NRG4: variants seen among roughly 807,000 people sequenced by gnomAD.
NRG4 encodes the protein pro-neuregulin-4, membrane-bound isoform.
In NRG4, 10 loss-of-function variants were observed where a neutral mutation model predicts 15.0. The ratio of observed to expected loss-of-function variants is 0.67; its 90% CI spans 0.41 to 1.13. NRG4 has a LOEUF of 1.13. NRG4 is among the 50% of genes most tolerant of loss of function. NRG4 has a pLI of 0.00. For missense variants in NRG4, 139 were observed against 140.2 expected (o/e 0.99, Z 0.04); for synonymous variants, 41 against 50.1 (o/e 0.82, Z 0.77).
chr15:76,011,327 T>C, intron 1 of NRG4, 41 bp from the exon 2 acceptor site: 5 of 1,015,262 alleles, frequency 4.9e-6, no homozygotes, highest in Non-Finnish European at 6.7e-6. Flanking sequence ...GAAAATAGTC[T>C]TCTTTTAAGG....
At position 76,030,786 on chromosome 15, in the gene NRG4, G is replaced by A. The variant is rs561119867; in HGVS notation, c.-57+5158C>T. ...CACAAAGGAAACACTATGCCTGGATGGCTTCACTGGTGAATTCCACCAAAC... is the reference window on the plus strand; with the variant it reads ...CACAAAGGAAACACTATGCCTGGATAGCTTCACTGGTGAATTCCACCAAAC... On this transcript the variant is annotated intron_variant, in intron 5 of 8. Coordinates refer to the NRG4 transcript ENST00000563910. Among the ~76,000 whole-genome samples the A allele has an allele frequency of 3.9e-5, 6 of 152,254 alleles. No homozygotes were observed. The South Asian group carries it at 1.2e-3, about 32-fold the overall frequency.
In NRG4 at chr15:75,941,330, A is replaced by C. The variant is rs928847705; in HGVS notation, c.*2308T>G. ...AAATTGGAACTCTTATTACTGATGG[A>C]AATATAGTGGTATGCAGCTGCTGTA... On this transcript the variant is annotated 3_prime_UTR_variant, in exon 6 of 6. Coordinates refer to ENST00000394907, the MANE Select transcript of NRG4 (RefSeq NM_138573.4). 3.3e-5 allele frequency: 5 copies of C among 152,176 alleles called. No homozygotes were observed. The highest frequency in any genetic ancestry group is 7.4e-5 in the Non-Finnish European group (5 of 68,002). 9.4% of individuals were successfully genotyped at this position (152,176 alleles called of 1,614,324 possible).
Position 75,955,949 on chromosome 15 carries a change from C to T in NRG4, c.314G>A (p.Ser105Asn), listed in dbSNP as rs1172865135. Residue 105 changes from serine (S) to asparagine (N), a missense_variant, in exon 5 of 6, where the codon AGT becomes AAT. By Grantham distance (46) the Ser-to-Asn change is conservative (BLOSUM62 1). Transcript: ENST00000394907. ...TTACTCACTGTGGTGGGCACTGGTA[C>T]TGCTCGTCTCTACCAGGTTGATATC... ...QYDINLVETSSTSAHHSHEQH is the reference protein window; with the variant it reads ...QYDINLVETSNTSAHHSHEQH The T allele has an allele frequency of 1.2e-6, 2 of 1,606,120 alleles. No homozygotes were observed. Among genetic ancestry groups the T allele is most frequent in the Non-Finnish European group, 1.7e-6 (2 of 1,172,910 alleles).
intron 5 of NRG4, among the ~76,000 whole-genome samples, chr15:75,946,389 G>C (rs938127835): frequency 6.6e-6 from 1 of 152,070 alleles, no homozygotes; most frequent in Non-Finnish European, 1.5e-5. Context: ...ACGAGGTCTC[G>C]CTCTGTCGCC....
chr15:76,010,997 A>G (rs888083950), intron 2 of NRG4, among the ~76,000 whole-genome samples: 1 of 152,156 alleles, frequency 6.6e-6, no homozygotes, highest in Admixed American at 6.5e-5. Context: ...ATCAGGTTAT[A>G]AAACCAATAA....
chr15:75,969,617 A>G (rs2032997884), intron 3 of NRG4, among the ~76,000 whole-genome samples: 1 of 152,222 alleles, frequency 6.6e-6, no homozygotes, highest in Non-Finnish European at 1.5e-5. Flanking sequence ...GTACGTTCCC[A>G]TAGTTTCATC....
chr15:75,962,339 T>C (rs982724677), intron 3 of NRG4, among the ~76,000 whole-genome samples: 3 of 152,162 alleles, frequency 2.0e-5, no homozygotes, highest in Non-Finnish European at 4.4e-5. Flanking sequence ...CTAAATGCAT[T>C]TTTCCTTAAA....
chr15:75,938,809 T>C (rs2030643270), downstream of NRG4: 1 of 152,116 alleles, frequency 6.6e-6, no homozygotes, highest in African/African-American at 2.4e-5. Context: ...AGGATGTAGT[T>C]AGAAATCAGT....
chr15:76,033,802 T>G (rs1372463141), intron 5 of NRG4, among the ~76,000 whole-genome samples: 2 of 152,240 alleles, frequency 1.3e-5, no homozygotes, highest in African/African-American at 4.8e-5. Context: ...CAGCCCTGTC[T>G]GACCCTTTTA....
chr15:75,942,781 CTT>C lies in NRG4; in HGVS notation c.*855_*856del, dbSNP rs2031133665. ...CCCAGACCTTTCCACTGCTCCAAGA[CTT>C]TATTTTCATACTTCCTTAAAGTTAC... On this transcript the variant is annotated 3_prime_UTR_variant, in exon 6 of 6. Coordinates refer to ENST00000394907, the MANE Select transcript of NRG4 (RefSeq NM_138573.4). 1 of 151,734 alleles carries C rather than the reference CTT, an allele frequency of 6.6e-6. No homozygotes were observed. Among genetic ancestry groups the C allele is most frequent in the African/African-American group, 2.4e-5 (1 of 41,000 alleles). 9.4% of individuals were successfully genotyped at this position (151,734 alleles called of 1,614,324 possible).
At chr15:76,043,006 A>G (rs1179718850) in intron 4 of NRG4, among the ~76,000 whole-genome samples, 1 of 152,204 alleles carries the variant, frequency 6.6e-6, no homozygotes, top group Non-Finnish European at 1.5e-5. Flanking sequence ...TTCAACATAC[A>G]CAAATCAATG....
At chr15:75,986,248 GA>G (rs1348099678) in intron 3 of NRG4, among the ~76,000 whole-genome samples, 2 of 152,146 alleles carry the variant, frequency 1.3e-5, no homozygotes, top group Non-Finnish European at 2.9e-5. Context: ...CAGCTGGTAA[GA>G]ATTCACATTC....
At chr15:75,982,761 T>C (rs771050393) in intron 3 of NRG4, among the ~76,000 whole-genome samples, 80 of 152,110 alleles carry the variant, frequency 5.3e-4, no homozygotes, top group Non-Finnish European at 9.1e-4. Context: ...AAAAAGAAGC[T>C]ATGAAGCCAT....
upstream of NRG4, among the ~76,000 whole-genome samples, chr15:76,016,770 G>A (rs532950569): frequency 1.7e-4 from 26 of 152,276 alleles, no homozygotes; most frequent in African/African-American, 6.3e-4. Context: ...GTCAATTTTA[G>A]GATAATTGCA....
chr15:76,011,407 T>G, intron 1 of NRG4, 121 bp from the exon 2 acceptor site: 1 of 491,076 alleles, frequency 2.0e-6, no homozygotes, highest in Non-Finnish European at 3.2e-6. Context: ...TAAAGACATT[T>G]ATATACTAGG....
chr15:76,046,227 T>G lies in NRG4; in HGVS notation c.-105+5840A>C, dbSNP rs540331613. Among the ~76,000 whole-genome samples the G allele has an allele frequency of 6.0e-5, 9 of 151,228 alleles. No homozygotes were observed. The East Asian group carries it at 1.2e-3, about 19-fold the overall frequency. Reference sequence around the variant, plus strand: ...GGACACGCACAAAAAAGGAAAGATATTCCATACTCATTAATTGGAAGAATT... The same window carrying G: ...GGACACGCACAAAAAAGGAAAGATAGTCCATACTCATTAATTGGAAGAATT... On this transcript the variant is annotated intron_variant, in intron 4 of 8. Coordinates refer to the NRG4 transcript ENST00000563910.
intron 4 of NRG4, among the ~76,000 whole-genome samples, chr15:75,957,710 G>C (rs1177949020): frequency 6.6e-6 from 1 of 151,828 alleles, no homozygotes; most frequent in African/African-American, 2.4e-5. Context: ...TTTTCTTCTG[G>C]AATTCCAACT....
chr15:76,049,465 T>TTTGAAG (rs2035947629), intron 4 of NRG4, among the ~76,000 whole-genome samples: 1 of 150,672 alleles, frequency 6.6e-6, no homozygotes, highest in Non-Finnish European at 1.5e-5. Context: ...ACATTCACTC[T>TTTGAAG]ACACCCAATT....
chr15:76,003,015 T>TAAGGAG (rs2034469940), intron 3 of NRG4, among the ~76,000 whole-genome samples: 2 of 152,256 alleles, frequency 1.3e-5, no homozygotes, highest in East Asian at 3.9e-4. Context: ...AATCAACTGC[T>TAAGGAG]CCTTTTCAAA....
Sources: gnomAD v4.1 joint callset for allele counts (sites outside exome capture counted in the v4.1 genomes callset) on GRCh38, gnomAD v4.1.1 for gene constraint, MANE v1.5 for transcripts, NCBI Gene and HGNC (gene_info 2026-07-23, HGNC 2026-07-21) for gene names.